Variants in C13orf42 observed in about 807,000 individuals in gnomAD.
C13orf42 encodes the protein chromosome 13 open reading frame 42, also known as uncharacterized protein C13orf42.
In C13orf42 at chr13:51,084,244, G is replaced by A; in HGVS notation, c.885C>T (p.Pro295=). 2 of 398,684 alleles carry A rather than the reference G, an allele frequency of 5.0e-6. No individual in the cohort carries two copies. Among genetic ancestry groups the A allele is most frequent in the Non-Finnish European group, 8.8e-6 (2 of 226,114 alleles). 24.7% of individuals were successfully genotyped at this position (398,684 alleles called of 1,614,324 possible). The change falls in exon 4 of 4, where the codon CCC becomes CCT. Residue 295 remains proline, a synonymous_variant. Transcript: ENST00000563710. The part of the protein sequence containing the change: ...EWDAELFALE[P]QLSPGEDYYE... ...AGTAGTCCTCCCCAGGAGACAACTG[G>A]GGCTCCAACGCAAAGAGCTCTGCAT...
At chr13:51,138,712 C>A (rs1953675348) in intron 1 of C13orf42, among the ~76,000 whole-genome samples, 1 of 152,234 alleles carries the variant, frequency 6.6e-6, no homozygotes, top group Admixed American at 6.5e-5. Context: ...GACAACCATA[C>A]AATCCAGCAA....
intron 1 of C13orf42, among the ~76,000 whole-genome samples, chr13:51,171,448 C>T (rs949522441): frequency 2.0e-5 from 3 of 152,082 alleles, no homozygotes; most frequent in Admixed American, 6.5e-5. Context: ...CCTTCTTTCC[C>T]TCCCGCCTGT....
intron 1 of C13orf42, among the ~76,000 whole-genome samples, chr13:51,124,687 A>G (rs774437240): frequency 6.6e-6 from 1 of 152,210 alleles, no homozygotes; most frequent in African/African-American, 2.4e-5. Flanking sequence ...TAGGCTTCTT[A>G]TCAAGCACCA....
At chr13:51,159,369 G>C (rs1953847198) in intron 1 of C13orf42, among the ~76,000 whole-genome samples, 1 of 152,158 alleles carries the variant, frequency 6.6e-6, no homozygotes, top group Non-Finnish European at 1.5e-5. Context: ...AACAGTGTGG[G>C]GGATAGAATG....
At chr13:51,162,158 A>G (rs1292843269) in intron 1 of C13orf42, 1 of 255,616 alleles carries the variant, frequency 3.9e-6, no homozygotes, top group South Asian at 5.6e-5. Flanking sequence ...CATCTCACAA[A>G]TGGTATCTGT....
chr13:51,095,361 T>C (rs1953221576), intron 1 of C13orf42, among the ~76,000 whole-genome samples: 1 of 152,150 alleles, frequency 6.6e-6, no homozygotes, highest in South Asian at 2.1e-4. Context: ...CTTAGATCTG[T>C]GGTTTAGTAT....
At chr13:51,116,033 C>T (rs969302780), upstream of C13orf42, among the ~76,000 whole-genome samples, 2 of 151,834 alleles carry the variant, frequency 1.3e-5, no homozygotes, top group Middle Eastern at 3.2e-3. Context: ...ATCTCTACAC[C>T]ATCCCTTCTT....
intron 1 of C13orf42, among the ~76,000 whole-genome samples, chr13:51,099,665 C>T (rs1953266679): frequency 6.6e-6 from 1 of 152,124 alleles, no homozygotes; most frequent in South Asian, 2.1e-4. Context: ...GGCAGAATAT[C>T]TCTCTGTCAC....
At chr13:51,120,205 C>T (rs1249995665) in intron 1 of C13orf42, among the ~76,000 whole-genome samples, 3 of 152,204 alleles carry the variant, frequency 2.0e-5, no homozygotes, top group Non-Finnish European at 4.4e-5. Context: ...TGGGCTTTTA[C>T]ATGTGTCATC....
At chr13:51,089,523 T>C (rs1271187907) in intron 1 of C13orf42, among the ~76,000 whole-genome samples, 1 of 152,110 alleles carries the variant, frequency 6.6e-6, no homozygotes, top group Admixed American at 6.6e-5. Flanking sequence ...ACCTCCCCTT[T>C]GCTCGCCCTC....
At chr13:51,150,812 T>C (rs1953772801) in intron 1 of C13orf42, among the ~76,000 whole-genome samples, 1 of 152,242 alleles carries the variant, frequency 6.6e-6, no homozygotes, top group Admixed American at 6.5e-5. Flanking sequence ...TGAGGTAAAC[T>C]GAATTCCTTG....
chr13:51,154,441 G>A (rs934976163), intron 1 of C13orf42, among the ~76,000 whole-genome samples: 3 of 152,062 alleles, frequency 2.0e-5, no homozygotes, highest in African/African-American at 4.8e-5. Context: ...TATACAGCTG[G>A]CTCTGCACAT....
At chr13:51,143,822 T>C (rs1953715188) in intron 1 of C13orf42, among the ~76,000 whole-genome samples, 1 of 152,200 alleles carries the variant, frequency 6.6e-6, no homozygotes, top group African/African-American at 2.4e-5. Context: ...TTATTTGGTA[T>C]AAAAAATTAT....
At chr13:51,167,276 C>A (rs1323359155) in intron 1 of C13orf42, among the ~76,000 whole-genome samples, 2 of 152,104 alleles carry the variant, frequency 1.3e-5, no homozygotes, top group Non-Finnish European at 2.9e-5. Flanking sequence ...CTCTCTTACA[C>A]ATACACATGC....
At chr13:51,165,440 C>G (rs1172704253) in intron 1 of C13orf42, among the ~76,000 whole-genome samples, 1 of 152,182 alleles carries the variant, frequency 6.6e-6, no homozygotes, top group Non-Finnish European at 1.5e-5. Context: ...CCTACTGGGG[C>G]CCTGACTAAT....
At chr13:51,094,108 C>T (rs1401754130) in intron 1 of C13orf42, among the ~76,000 whole-genome samples, 1 of 152,188 alleles carries the variant, frequency 6.6e-6, no homozygotes, top group African/African-American at 2.4e-5. Context: ...CTCTTTGACA[C>T]AATCCTGGTA....
chr13:51,164,346 T>C (rs941634168), intron 1 of C13orf42, among the ~76,000 whole-genome samples: 1 of 152,192 alleles, frequency 6.6e-6, no homozygotes, highest in Non-Finnish European at 1.5e-5. Flanking sequence ...AAAGTCTTTT[T>C]ACTGAATAAT....
chr13:51,117,268 A>G (rs2138010480), intron 1 of C13orf42, among the ~76,000 whole-genome samples: 1 of 152,370 alleles, frequency 6.6e-6, no homozygotes, highest in East Asian at 1.9e-4. Flanking sequence ...AAATGTATTC[A>G]GCAAAGACTA....
intron 2 of C13orf42, among the ~76,000 whole-genome samples, chr13:51,086,491 AGAGT>A (rs58027591): frequency 0.014 from 2,077 of 151,186 alleles, 55 homozygotes; most frequent in African/African-American, 0.047. Context: ...TGTGTGTAAG[AGAGT>A]GTGTGTGTGA....
Sources: allele counts gnomAD v4.1 joint callset (sites outside exome capture counted in the v4.1 genomes callset), GRCh38; gene constraint gnomAD v4.1.1; transcripts MANE v1.5; gene names NCBI Gene and HGNC (gene_info 2026-07-23, HGNC 2026-07-21).